The following SCMH1 variants were observed in gnomAD, a reference collection of about 807,000 sequenced individuals.
SCMH1 encodes the protein Scm polycomb group protein homolog 1, also known as polycomb protein SCMH1.
In SCMH1, 37 loss-of-function variants were observed where a neutral mutation model predicts 70.8. The ratio of observed to expected loss-of-function variants is 0.52; its 90% CI spans 0.40 to 0.69. The LOEUF is 0.69. SCMH1 is among the 30% of genes least tolerant of loss of function. The pLI is 0.00. For synonymous variants in SCMH1, 292 were observed against 307.4 expected, an observed-to-expected ratio of 0.95 and a Z score of 0.52; for missense variants, 607 against 827.3, an observed-to-expected ratio of 0.73 and a Z score of 3.27.
chr1:41,192,847 C>T (rs1458984653), intron 1 of SCMH1, among the ~76,000 whole-genome samples: 2 of 152,174 alleles, frequency 1.3e-5, no homozygotes, highest in Admixed American at 1.3e-4. Flanking sequence ...ATTCACATTC[C>T]TCTTCTTTTC....
intron 6 of SCMH1, among the ~76,000 whole-genome samples, chr1:41,135,911 G>A (rs1476741384): frequency 6.6e-6 from 1 of 151,234 alleles, no homozygotes; most frequent in East Asian, 1.9e-4. Context: ...GGTGCTTACT[G>A]TAGGTGCAGT....
chr1:41,241,404 G>A (rs1663501791), intron 1 of SCMH1, among the ~76,000 whole-genome samples: 1 of 152,170 alleles, frequency 6.6e-6, no homozygotes, highest in Non-Finnish European at 1.5e-5. Flanking sequence ...CGTTTCCGGC[G>A]GGGCACTGGG....
intron 1 of SCMH1, among the ~76,000 whole-genome samples, chr1:41,190,473 GC>G (rs1651428158): frequency 6.6e-6 from 1 of 152,170 alleles, no homozygotes; most frequent in Admixed American, 6.5e-5. Flanking sequence ...GGAAGGAGAG[GC>G]ATGAATTTGC....
intron 1 of SCMH1, among the ~76,000 whole-genome samples, chr1:41,229,066 C>T (rs1190673486): frequency 6.6e-6 from 1 of 152,096 alleles, no homozygotes; most frequent in African/African-American, 2.4e-5. Context: ...CATGATGGCA[C>T]ATGCCTGTAA....
chr1:41,139,962 T>C (rs1163707459), intron 6 of SCMH1, among the ~76,000 whole-genome samples: 4 of 152,170 alleles, frequency 2.6e-5, no homozygotes, highest in African/African-American at 9.7e-5. Context: ...TGAACCTTAG[T>C]TATTAAGTTG....
chr1:41,069,186 T>C (rs1349871609), intron 10 of SCMH1, among the ~76,000 whole-genome samples: 1 of 152,186 alleles, frequency 6.6e-6, no homozygotes, highest in East Asian at 1.9e-4. Flanking sequence ...CTAGTTATAA[T>C]AACAAAACAC....
intron 10 of SCMH1, among the ~76,000 whole-genome samples, chr1:41,063,562 TAAACAAACAAAC>T (rs142137886): frequency 6.6e-6 from 1 of 151,098 alleles, no homozygotes; most frequent in Non-Finnish European, 1.5e-5. Flanking sequence ...CCAGGCTAAC[TAAACAAACAAAC>T]AAACAAACAA....
chr1:41,154,776 G>A (rs1281705597), intron 4 of SCMH1, among the ~76,000 whole-genome samples: 1 of 152,166 alleles, frequency 6.6e-6, no homozygotes, highest in Admixed American at 6.5e-5. Context: ...CATATATAAT[G>A]TGAGTGTTTT....
At chr1:41,046,370 C>A in intron 12 of SCMH1, 37 bp downstream of exon 12, 3 of 1,589,036 alleles carry the variant, frequency 1.9e-6, no homozygotes, top group Non-Finnish European at 8.6e-7. Context: ...CTAGCCCTGT[C>A]CCCCACTCTC....
chr1:41,152,537 A>G, intron 4 of SCMH1: 1 of 1,559,582 alleles, frequency 6.4e-7, no homozygotes, highest in South Asian at 1.1e-5. Flanking sequence ...TTGGATCACT[A>G]AAGATTATCA....
At chr1:41,229,745 A>T (rs1186751546) in intron 1 of SCMH1, among the ~76,000 whole-genome samples, 2 of 152,204 alleles carry the variant, frequency 1.3e-5, no homozygotes, top group Non-Finnish European at 2.9e-5. Flanking sequence ...ATAATTAAAA[A>T]AAAAATAAGA....
intron 6 of SCMH1, among the ~76,000 whole-genome samples, chr1:41,126,175 T>C (rs1207136524): frequency 6.6e-6 from 1 of 152,168 alleles, no homozygotes; most frequent in African/African-American, 2.4e-5. Flanking sequence ...CAGATAACCA[T>C]GCCAAAACCA....
intron 6 of SCMH1, among the ~76,000 whole-genome samples, chr1:41,125,868 T>G (rs1189320772): frequency 6.6e-6 from 1 of 152,160 alleles, no homozygotes; most frequent in Non-Finnish European, 1.5e-5. Flanking sequence ...TATCAGGTGA[T>G]TTTTAGAAAC....
intron 1 of SCMH1, among the ~76,000 whole-genome samples, chr1:41,219,511 T>C (rs1293657594): frequency 1.3e-5 from 2 of 152,158 alleles, no homozygotes; most frequent in Non-Finnish European, 2.9e-5. Flanking sequence ...CACTGGGTGG[T>C]TGGTGTCAGA....
intron 6 of SCMH1, among the ~76,000 whole-genome samples, chr1:41,133,119 A>G (rs1002866451): frequency 9.9e-5 from 15 of 152,194 alleles, no homozygotes; most frequent in African/African-American, 3.6e-4. Context: ...CTGAACCTAT[A>G]AATTACTTTG....
At chr1:41,234,599 G>A (rs567273539) in intron 1 of SCMH1, among the ~76,000 whole-genome samples, 22 of 150,802 alleles carry the variant, frequency 1.5e-4, no homozygotes, top group African/African-American at 7.3e-5. Context: ...CTCAGACTCC[G>A]GAGTTGCTGG....
rs570116082 is a variant in SCMH1 at position 41,037,560 on chromosome 1, A to G, written c.1499-19T>C. ...GTTTCACCTGAAAAACAGTAAAACCAGAGTTAGAGCTTAGAAGGACTGCCA... is the reference window on the plus strand; with the variant it reads ...GTTTCACCTGAAAAACAGTAAAACCGGAGTTAGAGCTTAGAAGGACTGCCA... On this transcript the variant is annotated intron_variant, in intron 12 of 14. Coordinates refer to ENST00000337495, the Ensembl canonical transcript of SCMH1. The G allele has an allele frequency of 6.2e-7, 1 of 1,611,094 alleles. No homozygotes were observed. The highest frequency in any genetic ancestry group is 1.7e-5 in the Admixed American group (1 of 59,934).
At chr1:41,164,343 C>G (rs1229448163) in intron 2 of SCMH1, among the ~76,000 whole-genome samples, 2 of 151,984 alleles carry the variant, frequency 1.3e-5, no homozygotes, top group African/African-American at 2.4e-5. Context: ...CATTTCTACA[C>G]TATGTTTACT....
intron 1 of SCMH1, among the ~76,000 whole-genome samples, chr1:41,217,901 C>CT (rs1658445174): frequency 6.6e-6 from 1 of 152,174 alleles, no homozygotes; most frequent in African/African-American, 2.4e-5. Context: ...AGACCAGTGA[C>CT]TCCTTTATTC....
Sources: allele counts gnomAD v4.1 joint callset (sites outside exome capture counted in the v4.1 genomes callset), GRCh38; gene constraint gnomAD v4.1.1; transcripts MANE v1.5; gene names NCBI Gene and HGNC (gene_info 2026-07-23, HGNC 2026-07-21).